Variants in ARHGEF12 observed in about 807,000 individuals in gnomAD.
The protein encoded by ARHGEF12 is KMT2A/ARHGEF12 fusion protein.
A neutral mutation model predicts 211.2 loss-of-function variants in ARHGEF12; 66 were observed. The observed-to-expected ratio is 0.31, with a 90% CI of 0.26 to 0.38. ARHGEF12 has a LOEUF of 0.38. ARHGEF12 is among the 10% of genes least tolerant of loss of function. The pLI is 1.00. For synonymous variants in ARHGEF12, 592 were observed against 638.4 expected (o/e 0.93, Z 1.09); for missense variants, 1,429 against 1,869.5 (o/e 0.76, Z 4.34).
At chr11:120,342,651 A>T (rs7121779) in intron 1 of ARHGEF12, among the ~76,000 whole-genome samples, 66,753 of 151,880 alleles carry the variant, frequency 0.44, 15,336 homozygotes, top group African/African-American at 0.57. Context: ...ATTCACTTTT[A>T]TTTTAGATAG....
chr11:120,345,348 C>T (rs1178570530), intron 1 of ARHGEF12, among the ~76,000 whole-genome samples: 2 of 152,126 alleles, frequency 1.3e-5, no homozygotes, highest in African/African-American at 4.8e-5. Flanking sequence ...AGTAACTGTA[C>T]CATCCATATA....
intron 12 of ARHGEF12, chr11:120,439,764 TA>T (rs2135774084): frequency 6.2e-6 from 1 of 160,152 alleles, no homozygotes; most frequent in African/African-American, 2.4e-5. Flanking sequence ...AAGCCAACTT[TA>T]TTTTTTTCTG....
Position 120,480,210 on chromosome 11 carries a change from T to C in ARHGEF12, c.4017T>C (p.Asp1339=). The change falls in exon 38 of 41, where the codon GAT becomes GAC. Residue 1339 remains aspartate (D), a synonymous_variant. Coordinates refer to ENST00000397843, the MANE Select transcript of ARHGEF12 (RefSeq NM_015313.3). ...CAACTGAATCTTTTGCTCCACGGGA[T>C]TCAGTGGGACTGGCACCCCAGGATA... ...RTSTESFAPR[D]SVGLAPQDSQ... 6.2e-7 allele frequency: 1 copy of C among 1,614,218 alleles called. No individual in the cohort carries two copies. The highest frequency in any genetic ancestry group is 8.5e-7 in the Non-Finnish European group (1 of 1,180,030).
At chr11:120,388,064 G>C (rs1266711848) in intron 1 of ARHGEF12, among the ~76,000 whole-genome samples, 1 of 152,114 alleles carries the variant, frequency 6.6e-6, no homozygotes, top group Admixed American at 6.5e-5. Context: ...AGGTTTCCTT[G>C]TGCATTTTCA....
chr11:120,452,718 G>A (rs1013627815), intron 22 of ARHGEF12, among the ~76,000 whole-genome samples: 4 of 152,252 alleles, frequency 2.6e-5, no homozygotes, highest in South Asian at 4.1e-4. Flanking sequence ...AGACAAGGTC[G>A]GGTGCAGTGG....
intron 38 of ARHGEF12, 134 bp downstream of exon 38, chr11:120,480,564 C>T: frequency 2.3e-6 from 2 of 881,564 alleles, no homozygotes; most frequent in East Asian, 2.7e-5. Flanking sequence ...ATATTTATTC[C>T]TTCATTTGAT....
intron 35 of ARHGEF12, 23 bp downstream of exon 35, chr11:120,477,328 G>T: frequency 6.2e-7 from 1 of 1,611,666 alleles, no homozygotes; most frequent in Non-Finnish European, 8.5e-7. Flanking sequence ...TTGCATTGTA[G>T]TAGGACTTAT....
intron 15 of ARHGEF12, among the ~76,000 whole-genome samples, chr11:120,444,000 T>C (rs976917626): frequency 6.6e-6 from 1 of 152,200 alleles, no homozygotes; most frequent in African/African-American, 2.4e-5. Flanking sequence ...CTAGAACCGG[T>C]ACCCCATGTG....
At chr11:120,450,019 A>T (rs1360651507) in intron 21 of ARHGEF12, 2 of 152,194 alleles carry the variant, frequency 1.3e-5, no homozygotes, top group Non-Finnish European at 2.9e-5. Context: ...AGAAATAGGG[A>T]TGGTGGTACC....
chr11:120,478,946 C>A (rs1235235496), intron 37 of ARHGEF12, among the ~76,000 whole-genome samples: 1 of 152,160 alleles, frequency 6.6e-6, no homozygotes, highest in Non-Finnish European at 1.5e-5. Flanking sequence ...GAGATAATTT[C>A]ATTAATCTAG....
At chr11:120,455,037 AAAG>A (rs1245246654) in intron 22 of ARHGEF12, among the ~76,000 whole-genome samples, 3 of 152,204 alleles carry the variant, frequency 2.0e-5, no homozygotes, top group Admixed American at 1.3e-4. Flanking sequence ...AAAGGAAAAA[AAAG>A]AAGTCCCTAA....
At chr11:120,453,991 G>GA (rs1211446840) in intron 22 of ARHGEF12, among the ~76,000 whole-genome samples, 1 of 152,150 alleles carries the variant, frequency 6.6e-6, no homozygotes, top group Non-Finnish European at 1.5e-5. Flanking sequence ...TAGACTAGAA[G>GA]AAAAAAACAG....
intron 1 of ARHGEF12, among the ~76,000 whole-genome samples, chr11:120,360,797 A>G (rs1296744338): frequency 6.6e-6 from 1 of 152,236 alleles, no homozygotes; most frequent in Non-Finnish European, 1.5e-5. Context: ...AGAGAATAGA[A>G]AAAATATGAA....
chr11:120,384,561 T>C (rs1943972622), intron 1 of ARHGEF12, among the ~76,000 whole-genome samples: 1 of 152,200 alleles, frequency 6.6e-6, no homozygotes, highest in African/African-American at 2.4e-5. Context: ...TTACATGGCT[T>C]CTAGGGATTA....
chr11:120,484,551 A>G lies in ARHGEF12; in HGVS notation c.4624+44A>G, dbSNP rs367801644. On this transcript the variant is annotated intron_variant, in intron 40 of 40. Transcript: ENST00000397843. ...TTCCAGACTCTAGACTAATCATCCT[A>G]CACTGAATGAAATGACTTATCATAC... The G allele has an allele frequency of 6.8e-6, 10 of 1,469,480 alleles. No homozygotes were observed. In the African/African-American group the frequency reaches 7.0e-5, roughly 10 times the overall value. 91.0% of individuals were successfully genotyped at this position (1,469,480 alleles called of 1,614,324 possible).
intron 39 of ARHGEF12, among the ~76,000 whole-genome samples, chr11:120,483,758 G>A (rs995026015): frequency 3.9e-5 from 6 of 152,202 alleles, no homozygotes; most frequent in Admixed American, 3.9e-4. Context: ...GGGACTACAG[G>A]CGCCTGCCAC....
chr11:120,459,157 ATC>A lies in ARHGEF12; in HGVS notation c.2381-13_2381-12del. The A allele has an allele frequency of 6.3e-7, 1 of 1,581,742 alleles. No homozygotes were observed. On this transcript the variant is annotated splice_polypyrimidine_tract_variant and intron_variant, in intron 25 of 40. Coordinates refer to ENST00000397843, the MANE Select transcript of ARHGEF12 (RefSeq NM_015313.3). ...TGTTCTAAGTAAGGCAACATTTCAT[ATC>A]TCTTTCCTGTTCAGAATTGTTCTAC...
intron 3 of ARHGEF12, 106 bp downstream of exon 3, chr11:120,407,929 A>G (rs1204138518): frequency 3.2e-6 from 3 of 935,028 alleles, no homozygotes; most frequent in Non-Finnish European, 4.9e-6. Flanking sequence ...GATCTGTTTT[A>G]GGACTCTCAC....
intron 1 of ARHGEF12, among the ~76,000 whole-genome samples, chr11:120,400,812 A>T (rs1211774617): frequency 6.6e-6 from 1 of 152,238 alleles, no homozygotes; most frequent in African/African-American, 2.4e-5. Flanking sequence ...GCTGTTGTGC[A>T]TGTAAGCTCT....
Sources: gnomAD v4.1 joint callset for allele counts (sites outside exome capture counted in the v4.1 genomes callset) on GRCh38, gnomAD v4.1.1 for gene constraint, MANE v1.5 for transcripts, NCBI Gene and HGNC (gene_info 2026-07-23, HGNC 2026-07-21) for gene names.